NELL2: variants seen among roughly 807,000 people sequenced by gnomAD.
The protein encoded by NELL2 is protein kinase C-binding protein NELL2.
In NELL2, 41 loss-of-function variants were observed where a neutral mutation model predicts 109.6. The observed-to-expected ratio is 0.37, with a 90% confidence interval of 0.29 to 0.49. The LOEUF (loss-of-function observed/expected upper bound fraction) is 0.49. NELL2 is among the 20% of genes least tolerant of loss of function. The pLI, the probability that NELL2 is intolerant of heterozygous loss-of-function variation, is 0.98. For synonymous variants in NELL2, 355 were observed against 344.7 expected, an observed-to-expected ratio of 1.03 and a Z score of -0.33; for missense variants, 900 against 1,008.3, an observed-to-expected ratio of 0.89 and a Z score of 1.45.
At chr12:44,912,135 A>G (rs1463025078) in intron 1 of NELL2, among the ~76,000 whole-genome samples, 1 of 152,050 alleles carries the variant, frequency 6.6e-6, no homozygotes, top group African/African-American at 2.4e-5. Flanking sequence ...AGAATCTAAA[A>G]GAATGAAAAT....
chr12:44,789,300 T>A (rs769598532), intron 3 of NELL2, among the ~76,000 whole-genome samples: 2 of 152,168 alleles, frequency 1.3e-5, no homozygotes, highest in Non-Finnish European at 2.9e-5. Flanking sequence ...ATCACAGGAC[T>A]CTGTGCAGAC....
intron 9 of NELL2, among the ~76,000 whole-genome samples, chr12:44,763,944 C>G (rs1410911218): frequency 6.6e-6 from 1 of 152,094 alleles, no homozygotes; most frequent in Non-Finnish European, 1.5e-5. Flanking sequence ...TTTAATTTTG[C>G]ATTGAGACAG....
intron 15 of NELL2, among the ~76,000 whole-genome samples, chr12:44,558,801 C>T (rs547046360): frequency 1.6e-4 from 24 of 152,090 alleles, no homozygotes; most frequent in African/African-American, 4.3e-4. Context: ...ACTCCAGTGG[C>T]GACTGGAACA....
chr12:44,594,986 G>C (rs1335715707), intron 15 of NELL2, among the ~76,000 whole-genome samples: 1 of 152,066 alleles, frequency 6.6e-6, no homozygotes, highest in African/African-American at 2.4e-5. Context: ...ACTTACTCTT[G>C]ATTCTTGCCC....
intron 1 of NELL2, 186 bp downstream of exon 1, chr12:44,875,629 C>T (rs1945295861): frequency 6.2e-6 from 10 of 1,605,922 alleles, no homozygotes; most frequent in African/African-American, 4.0e-5. Flanking sequence ...GGGCGTGATC[C>T]GCCTCGCGGT....
chr12:44,621,667 G>A (rs12308501), intron 13 of NELL2, among the ~76,000 whole-genome samples: 5 of 151,664 alleles, frequency 3.3e-5, no homozygotes, highest in African/African-American at 9.7e-5. Flanking sequence ...CATCCTTCAC[G>A]TGGATTTACT....
At chr12:44,700,228 T>C (rs191408641) in intron 12 of NELL2, among the ~76,000 whole-genome samples, 8 of 152,294 alleles carry the variant, frequency 5.3e-5, no homozygotes, top group Admixed American at 3.9e-4. Context: ...CTTAGATGCA[T>C]CCACATCTCC....
At chr12:44,609,425 T>G (rs1345469616) in intron 14 of NELL2, among the ~76,000 whole-genome samples, 1 of 152,094 alleles carries the variant, frequency 6.6e-6, no homozygotes, top group Admixed American at 6.6e-5. Flanking sequence ...CTCATCATGC[T>G]ACTCAGAATG....
intron 13 of NELL2, among the ~76,000 whole-genome samples, chr12:44,652,001 A>T (rs1015056874): frequency 1.6e-4 from 24 of 152,176 alleles, no homozygotes; most frequent in African/African-American, 5.8e-4. Context: ...GATTTTAATG[A>T]CAAAATATTT....
At chr12:44,827,117 T>C (rs569913035) in intron 2 of NELL2, among the ~76,000 whole-genome samples, 1 of 152,318 alleles carries the variant, frequency 6.6e-6, no homozygotes, top group Non-Finnish European at 1.5e-5. Context: ...GTGAAACGTA[T>C]GAGTTCCCCA....
intron 12 of NELL2, among the ~76,000 whole-genome samples, chr12:44,693,698 A>T (rs763006819): frequency 9.2e-5 from 14 of 152,362 alleles, no homozygotes; most frequent in Admixed American, 3.3e-4. Flanking sequence ...AAGTTGAAGC[A>T]CAATAGAAAG....
chr12:44,812,488 CT>C (rs1449245298), intron 3 of NELL2, among the ~76,000 whole-genome samples: 4 of 152,080 alleles, frequency 2.6e-5, no homozygotes, highest in African/African-American at 9.7e-5. Flanking sequence ...GGTTTTTATC[CT>C]TTTGTTTGCT....
intron 3 of NELL2, among the ~76,000 whole-genome samples, chr12:44,798,249 A>G (rs1370604523): frequency 2.0e-5 from 3 of 151,918 alleles, no homozygotes; most frequent in African/African-American, 7.2e-5. Context: ...TCTATAAGGT[A>G]TAAGAATTTG....
At chr12:44,685,647 A>AAGGATTTTATTTCTCCTTCAC (rs1376668651) in intron 12 of NELL2, among the ~76,000 whole-genome samples, 1 of 151,990 alleles carries the variant, frequency 6.6e-6, no homozygotes, top group Non-Finnish European at 1.5e-5. Flanking sequence ...CTTGTCTGTA[A>AAGGATTTTATTTCTCCTTCAC]AGGATTTTAT....
chr12:44,685,411 G>T lies in NELL2; in HGVS notation c.1318+18315C>A, dbSNP rs560106742. On this transcript the variant is annotated intron_variant, in intron 12 of 19. Transcript: ENST00000429094. ...TTTTAATTGCAGCATTTAGTCCATT[G>T]ACATTTAAAGTTAATATTGTTATGT... Among the ~76,000 whole-genome samples the T allele has an allele frequency of 3.6e-4, 54 of 151,990 alleles. 2 individuals are homozygous for T. The South Asian group carries it at 8.1e-3, about 23-fold the overall frequency.
At chr12:44,849,336 C>G (rs1944464273) in intron 2 of NELL2, among the ~76,000 whole-genome samples, 1 of 151,822 alleles carries the variant, frequency 6.6e-6, no homozygotes, top group Non-Finnish European at 1.5e-5. Context: ...TCCTACAAAC[C>G]AAAAATAAAA....
chr12:44,694,823 T>C (rs1404979643), intron 12 of NELL2, among the ~76,000 whole-genome samples: 1 of 151,670 alleles, frequency 6.6e-6, no homozygotes, highest in Non-Finnish European at 1.5e-5. Context: ...GTGCATTCTG[T>C]AGCTTTCCCT....
chr12:44,763,187 C>T (rs1941195928), intron 9 of NELL2, among the ~76,000 whole-genome samples: 1 of 152,106 alleles, frequency 6.6e-6, no homozygotes, highest in Non-Finnish European at 1.5e-5. Context: ...TTGTTCTATA[C>T]CAGCCCACTC....
intron 19 of NELL2, among the ~76,000 whole-genome samples, chr12:44,517,377 C>T (rs1452081180): frequency 4.8e-5 from 1 of 20,782 alleles, no homozygotes; most frequent in Non-Finnish European, 8.2e-5. Flanking sequence ...TACTTTCTCT[C>T]TCTCTCTCTC....
Sources: allele counts gnomAD v4.1 joint callset (sites outside exome capture counted in the v4.1 genomes callset), GRCh38; gene constraint gnomAD v4.1.1; transcripts MANE v1.5; gene names NCBI Gene and HGNC (gene_info 2026-07-23, HGNC 2026-07-21).